Variants in GRM7 observed in about 807,000 individuals in gnomAD.
GRM7 encodes metabotropic glutamate receptor 7.
A neutral mutation model predicts 84.5 loss-of-function variants in GRM7; 35 were observed. The observed-to-expected ratio is 0.41, with a 90% CI of 0.32 to 0.55. The LOEUF (loss-of-function observed/expected upper bound fraction) is 0.55. GRM7 is among the 20% of genes least tolerant of loss of function. The pLI, the probability that GRM7 is intolerant of heterozygous loss-of-function variation, is 0.19. For synonymous variants in GRM7, 487 were observed against 455.1 expected (o/e 1.07, Z -0.89); for missense variants, 1,003 against 1,194.6 (o/e 0.84, Z 2.36).
intron 7 of GRM7, among the ~76,000 whole-genome samples, chr3:7,526,689 A>G (rs945652296): frequency 2.0e-5 from 3 of 151,638 alleles, no homozygotes; most frequent in Non-Finnish European, 2.9e-5. Context: ...ACTCATCTTG[A>G]GTTAATTTTT....
chr3:7,035,449 A>T (rs772803339), intron 1 of GRM7, among the ~76,000 whole-genome samples: 8 of 152,164 alleles, frequency 5.3e-5, no homozygotes, highest in Non-Finnish European at 1.0e-4. Flanking sequence ...AAGGAGCAAG[A>T]CTGAAATTTT....
chr3:7,262,517 C>G (rs904800853), intron 2 of GRM7, among the ~76,000 whole-genome samples: 3 of 152,090 alleles, frequency 2.0e-5, no homozygotes, highest in Admixed American at 6.6e-5. Flanking sequence ...TATTGCAATT[C>G]TTAGCTCCCC....
chr3:7,075,083 TA>T (rs990504715), intron 1 of GRM7, among the ~76,000 whole-genome samples: 26 of 152,144 alleles, frequency 1.7e-4, no homozygotes, highest in Non-Finnish European at 4.4e-5. Context: ...AGAGGCAAGT[TA>T]GATGAAAAAA....
At chr3:7,363,165 T>G (rs1032548701) in intron 4 of GRM7, among the ~76,000 whole-genome samples, 53 of 150,702 alleles carry the variant, frequency 3.5e-4, no homozygotes, top group African/African-American at 1.1e-3. Flanking sequence ...AATTTTGAAA[T>G]AAAATATATA....
chr3:7,682,886 C>T (rs1700434944), intron 9 of GRM7, among the ~76,000 whole-genome samples: 2 of 152,176 alleles, frequency 1.3e-5, no homozygotes, highest in Non-Finnish European at 2.9e-5. Context: ...ACTTACTCCT[C>T]ACAGTAGATC....
chr3:7,645,878 C>T (rs143461984), intron 8 of GRM7, among the ~76,000 whole-genome samples: 1 of 152,216 alleles, frequency 6.6e-6, no homozygotes, highest in Admixed American at 6.5e-5. Flanking sequence ...TGAGACAGAA[C>T]TTATCACACC....
intron 2 of GRM7, among the ~76,000 whole-genome samples, chr3:7,286,477 C>T (rs982314431): frequency 6.6e-6 from 1 of 152,148 alleles, no homozygotes; most frequent in African/African-American, 2.4e-5. Context: ...TCAGCTACTT[C>T]AAAAGCTTTG....
Position 7,188,133 on chromosome 3 carries a change from G to C in GRM7, c.736+41465G>C, listed in dbSNP as rs1219015191. Among the ~76,000 whole-genome samples, 4 of 152,140 alleles carry C rather than the reference G, an allele frequency of 2.6e-5. No individual in the cohort carries two copies. Among genetic ancestry groups the C allele is most frequent in the Non-Finnish European group, 5.9e-5 (4 of 68,036 alleles). Reference sequence around the variant, plus strand: ...AGCATTATACTTGGGCAGGAGGACAGAGAAGGGCTATGACGTGAGAAAGGG... The same window carrying C: ...AGCATTATACTTGGGCAGGAGGACACAGAAGGGCTATGACGTGAGAAAGGG... On this transcript the variant is annotated intron_variant, in intron 2 of 9. Transcript: ENST00000357716. The surrounding 1 kb of genome is among the most constrained non-coding windows in gnomAD (Gnocchi z 4.2).
intron 1 of GRM7, among the ~76,000 whole-genome samples, chr3:7,092,418 T>C (rs1698697563): frequency 6.6e-6 from 1 of 152,186 alleles, no homozygotes. Flanking sequence ...TTAATGAGTC[T>C]CGGGCAATTG....
intron 2 of GRM7, among the ~76,000 whole-genome samples, chr3:7,149,582 A>G (rs150696035): frequency 1.1e-3 from 164 of 152,254 alleles, no homozygotes; most frequent in Non-Finnish European, 1.8e-3. Context: ...ATACAAACCC[A>G]ATGTGTATGG....
At chr3:7,296,583 A>C (rs116634864) in intron 2 of GRM7, among the ~76,000 whole-genome samples, 1 of 152,120 alleles carries the variant, frequency 6.6e-6, no homozygotes, top group East Asian at 1.9e-4. Flanking sequence ...TCAGATTACT[A>C]TGCATTCAGT....
chr3:7,568,533 G>A (rs1381130311), intron 7 of GRM7, among the ~76,000 whole-genome samples: 1 of 152,228 alleles, frequency 6.6e-6, no homozygotes, highest in African/African-American at 2.4e-5. Flanking sequence ...GCTGCACTGT[G>A]GGAGCCCTTT....
Position 7,298,812 on chromosome 3 carries a change from G to A in GRM7, c.865G>A (p.Asp289Asn), listed in dbSNP as rs74549759. 4 of 1,613,390 alleles carry A rather than the reference G, an allele frequency of 2.5e-6. No individual in the cohort carries two copies. Among genetic ancestry groups the A allele is most frequent in the Non-Finnish European group, 3.4e-6 (4 of 1,179,604 alleles). Residue 289 changes from aspartate (D) to asparagine (N), a missense_variant, in exon 3 of 10, where the codon GAT becomes AAT. By Grantham distance (23) the Asp-to-Asn change is conservative (BLOSUM62 1). Around this residue, in one of 2 missense-constraint regions of GRM7, gnomAD observed 910 missense variants for 1,126.0 expected, o/e 0.81. Coordinates refer to ENST00000357716, the MANE Select transcript of GRM7 (RefSeq NM_000844.4). The stretch of plus-strand genomic sequence containing the variant: ...CAGGGCCGTCGTGATTTTTGCCAAC[G>A]ATGAGGATATAAAGTAAGAATAACT... ...NSRAVVIFAN[D>N]EDIKQILAAA...
intron 2 of GRM7, among the ~76,000 whole-genome samples, chr3:7,290,267 A>G (rs1174691030): frequency 6.6e-6 from 1 of 152,190 alleles, no homozygotes; most frequent in African/African-American, 2.4e-5. Flanking sequence ...GAGTTGCTCA[A>G]TCATTTCCCC....
intron 1 of GRM7, among the ~76,000 whole-genome samples, chr3:7,063,500 A>G (rs1179580502): frequency 1.3e-5 from 2 of 151,796 alleles, no homozygotes; most frequent in Non-Finnish European, 2.9e-5. Flanking sequence ...TTAACTTTCA[A>G]TTAATTTCCC....
At chr3:7,440,332 A>G (rs1050333501) in intron 5 of GRM7, among the ~76,000 whole-genome samples, 2 of 152,166 alleles carry the variant, frequency 1.3e-5, no homozygotes, top group African/African-American at 2.4e-5. Context: ...GCTTGGAGAC[A>G]CTGGAAGTAA....
chr3:7,553,608 G>A (rs990375675), intron 7 of GRM7, among the ~76,000 whole-genome samples: 1 of 152,128 alleles, frequency 6.6e-6, no homozygotes, highest in Non-Finnish European at 1.5e-5. Context: ...GGTGAAGAGG[G>A]AGCACAAGGC....
chr3:7,485,133 C>A (rs1383701187), intron 7 of GRM7, among the ~76,000 whole-genome samples: 2 of 152,140 alleles, frequency 1.3e-5, no homozygotes, highest in Non-Finnish European at 2.9e-5. Flanking sequence ...GACACCTTGA[C>A]TATAACCATA....
intron 1 of GRM7, among the ~76,000 whole-genome samples, chr3:6,874,299 C>T (rs1253517261): frequency 6.6e-6 from 1 of 152,148 alleles, no homozygotes; most frequent in African/African-American, 2.4e-5. Flanking sequence ...TCTTAAATTG[C>T]ACATGATCTT....
Sources: gnomAD v4.1 joint callset for allele counts (sites outside exome capture counted in the v4.1 genomes callset) on GRCh38, gnomAD v4.1.1 for gene constraint, gnomAD v4.1.1 regional missense constraint, Gnocchi (gnomAD v3.1) non-coding constraint, MANE v1.5 for transcripts, NCBI Gene and HGNC (gene_info 2026-07-23, HGNC 2026-07-21) for gene names.